LPP: variants seen among roughly 807,000 people sequenced by gnomAD.
The protein encoded by LPP is LIM domain containing preferred translocation partner in lipoma.
A neutral mutation model predicts 60.4 loss-of-function variants in LPP; 38 were observed. The observed-to-expected ratio is 0.63, with a 90% CI of 0.49 to 0.83. The LOEUF (loss-of-function observed/expected upper bound fraction) is 0.83, where lower values mean the gene tolerates loss of function less well. Ranked by LOEUF, LPP falls within the 40% of genes least tolerant of loss-of-function variation. The probability of loss-of-function intolerance (pLI) is 0.00; values close to 1 mark genes in which losing one functional copy is unlikely to be tolerated. For missense variants in LPP, 902 were observed against 783.6 expected (o/e 1.15, Z -1.80); for synonymous variants, 328 against 290.8 (o/e 1.13, Z -1.30).
At chr3:188,822,390 T>C (rs1346800292) in intron 9 of LPP, among the ~76,000 whole-genome samples, 2 of 152,090 alleles carry the variant, frequency 1.3e-5, no homozygotes, top group Non-Finnish European at 2.9e-5. Context: ...TCAAGAGGGT[T>C]GGAAGGGACA....
chr3:188,886,669 C>T lies in LPP; in HGVS notation c.*12190C>T, dbSNP rs1008310022. 1.8e-5 allele frequency: 4 copies of T among 217,072 alleles called. No individual in the cohort carries two copies. Among genetic ancestry groups the T allele is most frequent in the Non-Finnish European group, 3.7e-5 (4 of 109,168 alleles). 13.4% of individuals were successfully genotyped at this position (217,072 alleles called of 1,614,324 possible). On this transcript the variant is annotated 3_prime_UTR_variant, in exon 12 of 12. Coordinates refer to ENST00000617246, the MANE Select transcript of LPP (RefSeq NM_001375462.1). ...ATAAAAATTTTCGTATTTCACTTTA[C>T]ATAATATGTTCTCCCATATTTAGGG...
intron 2 of LPP, among the ~76,000 whole-genome samples, chr3:188,291,364 G>A (rs1305896528): frequency 6.6e-6 from 1 of 152,162 alleles, no homozygotes; most frequent in Non-Finnish European, 1.5e-5. Context: ...CATTGGCCGG[G>A]CGTGGTGGCT....
intron 6 of LPP, among the ~76,000 whole-genome samples, chr3:188,556,772 C>T (rs1277879228): frequency 1.1e-5 from 1 of 92,674 alleles, no homozygotes; most frequent in Non-Finnish European, 2.6e-5. Context: ...GCACTTCAGG[C>T]TTGAAATCCA....
At chr3:188,382,236 C>G (rs1258761735) in intron 3 of LPP, among the ~76,000 whole-genome samples, 1 of 152,134 alleles carries the variant, frequency 6.6e-6, no homozygotes, top group Non-Finnish European at 1.5e-5. Context: ...TCTTGTAAGT[C>G]TACTTTTGTC....
intron 1 of LPP, among the ~76,000 whole-genome samples, chr3:188,192,142 A>G (rs1480312899): frequency 6.6e-6 from 1 of 152,258 alleles, no homozygotes; most frequent in East Asian, 1.9e-4. Flanking sequence ...CCACTATCTT[A>G]TAGCATCCTC....
chr3:188,870,043 T>C (rs553963896), intron 10 of LPP, among the ~76,000 whole-genome samples: 3 of 152,290 alleles, frequency 2.0e-5, no homozygotes, highest in East Asian at 3.9e-4. Context: ...TTTTCTCAAG[T>C]TTAGATTTAC....
chr3:188,802,107 T>G (rs566391295), intron 9 of LPP, among the ~76,000 whole-genome samples: 2 of 152,360 alleles, frequency 1.3e-5, no homozygotes, highest in South Asian at 4.1e-4. Flanking sequence ...ATGACTCTTA[T>G]GTTTTCAATC....
intron 9 of LPP, among the ~76,000 whole-genome samples, chr3:188,791,070 T>TTG (rs1323052477): frequency 1.3e-5 from 2 of 152,150 alleles, no homozygotes; most frequent in Non-Finnish European, 2.9e-5. Context: ...AGCGGGTGAC[T>TTG]TACCTGTGGC....
At chr3:188,658,225 C>A (rs1256900360) in intron 7 of LPP, among the ~76,000 whole-genome samples, 2 of 151,864 alleles carry the variant, frequency 1.3e-5, no homozygotes, top group African/African-American at 2.4e-5. Context: ...CTCACTGCAA[C>A]CTCTGCCTCC....
chr3:188,314,259 T>C lies in LPP; in HGVS notation c.-66-27404T>C, dbSNP rs533558438. 4.6e-5 allele frequency among the ~76,000 whole-genome samples: 7 copies of C among 152,290 alleles called. 1 individual carries two copies. The East Asian group carries it at 1.2e-3, about 25-fold the overall frequency. On this transcript the variant is annotated intron_variant, in intron 2 of 11. Coordinates refer to ENST00000617246, the MANE Select transcript of LPP (RefSeq NM_001375462.1). ...TTTCGATTTGAGAAATGTATTGTGT[T>C]GAAAAGTATCCACACTTATTTTGAT...
At chr3:188,818,600 C>G (rs111374066) in intron 9 of LPP, among the ~76,000 whole-genome samples, 29 of 152,210 alleles carry the variant, frequency 1.9e-4, no homozygotes, top group African/African-American at 7.0e-4. Context: ...AAATTCTGAG[C>G]TATTTATATG....
chr3:188,769,197 A>G (rs1260322658), intron 9 of LPP, among the ~76,000 whole-genome samples: 1 of 152,222 alleles, frequency 6.6e-6, no homozygotes, highest in Non-Finnish European at 1.5e-5. Flanking sequence ...CTCATGAGCA[A>G]AAAGGGTATT....
chr3:188,551,370 A>C (rs968009590), intron 6 of LPP, among the ~76,000 whole-genome samples: 2 of 152,182 alleles, frequency 1.3e-5, no homozygotes, highest in Admixed American at 6.5e-5. Context: ...CTCCCTCAAC[A>C]TGTGGGAATT....
chr3:188,330,722 G>A (rs1168157411), intron 2 of LPP, among the ~76,000 whole-genome samples: 1 of 152,104 alleles, frequency 6.6e-6, no homozygotes, highest in Non-Finnish European at 1.5e-5. Context: ...AGGCTGAGGT[G>A]GGAATATCAC....
chr3:188,510,930 C>A (rs1285298117), intron 5 of LPP, among the ~76,000 whole-genome samples: 1 of 152,090 alleles, frequency 6.6e-6, no homozygotes, highest in Non-Finnish European at 1.5e-5. Context: ...GTGTGTCTTA[C>A]CTACATGTAG....
intron 7 of LPP, among the ~76,000 whole-genome samples, chr3:188,662,158 A>T (rs1488697807): frequency 6.6e-6 from 1 of 152,218 alleles, no homozygotes; most frequent in Non-Finnish European, 1.5e-5. Flanking sequence ...TTTTTCCTAA[A>T]CTGGAAGCTC....
intron 7 of LPP, among the ~76,000 whole-genome samples, chr3:188,693,112 A>G (rs532042532): frequency 4.7e-4 from 72 of 152,326 alleles, no homozygotes; most frequent in Non-Finnish European, 8.5e-4. Context: ...TAATTACATG[A>G]AACTCATTTT....
At chr3:188,361,562 C>G (rs1769398942) in intron 3 of LPP, among the ~76,000 whole-genome samples, 1 of 137,806 alleles carries the variant, frequency 7.3e-6, no homozygotes, top group Admixed American at 7.7e-5. Flanking sequence ...CTCTCCTCTC[C>G]TCTCCTCTCC....
At chr3:188,509,685 CCT>C (rs1553917085) in intron 5 of LPP, among the ~76,000 whole-genome samples, 1 of 1,418 alleles carries the variant, frequency 7.1e-4, no homozygotes, top group East Asian at 0.036. Flanking sequence ...TTCCTTCCTT[CCT>C]CTCTCTCTCT....
Sources: allele counts gnomAD v4.1 joint callset (sites outside exome capture counted in the v4.1 genomes callset), GRCh38; gene constraint gnomAD v4.1.1; transcripts MANE v1.5; gene names NCBI Gene and HGNC (gene_info 2026-07-23, HGNC 2026-07-21).